The following NRG3 variants were observed in gnomAD, a reference collection of about 807,000 sequenced individuals.
NRG3 encodes pro-neuregulin-3, membrane-bound isoform.
In NRG3, 31 loss-of-function variants were observed where a neutral mutation model predicts 66.9. That is an observed-to-expected ratio of 0.46 (90% confidence interval 0.35 to 0.63). The LOEUF is 0.63. NRG3 is among the 20% of genes least tolerant of loss of function. The probability of loss-of-function intolerance (pLI) is 0.00; values close to 1 mark genes in which losing one functional copy is unlikely to be tolerated. For synonymous variants in NRG3, 393 were observed against 359.4 expected (o/e 1.09, Z -1.06); for missense variants, 910 against 878.9 (o/e 1.04, Z -0.45).
chr10:82,127,664 GT>G (rs1372247225), intron 1 of NRG3, among the ~76,000 whole-genome samples: 2 of 151,934 alleles, frequency 1.3e-5, no homozygotes, highest in Non-Finnish European at 2.9e-5. Context: ...CTTCTTCCCA[GT>G]TGGTGCCAGG....
At chr10:82,032,086 G>T (rs73314674) in intron 1 of NRG3, among the ~76,000 whole-genome samples, 2 of 150,868 alleles carry the variant, frequency 1.3e-5, no homozygotes, top group East Asian at 3.9e-4. Context: ...TGGTTATGGG[G>T]TATTTTGACT....
At chr10:82,238,871 CTA>C (rs939722659) in intron 1 of NRG3, among the ~76,000 whole-genome samples, 1 of 118,284 alleles carries the variant, frequency 8.5e-6, no homozygotes, top group African/African-American at 3.1e-5. Context: ...GCTAAAAGGC[CTA>C]TGTCACTTAT....
rs78934857 is a variant in NRG3, at chr10:82,378,634, G to A, written c.953+19766G>A. ...TGCCCAGGCTGGAGTGCGGTGGTGC[G>A]ATCTTGGCTCACTGCAACCTCCACC... On this transcript the variant is annotated intron_variant, in intron 2 of 8. Coordinates refer to ENST00000372141, the MANE Select transcript of NRG3 (RefSeq NM_001010848.4). 9.9e-5 allele frequency among the ~76,000 whole-genome samples: 15 copies of A among 151,540 alleles called. No individual in the cohort carries two copies. The East Asian group carries it at 2.0e-3, about 20-fold the overall frequency.
chr10:81,975,339 ATC>A (rs1274852938), intron 1 of NRG3, among the ~76,000 whole-genome samples: 1 of 151,542 alleles, frequency 6.6e-6, no homozygotes, highest in Non-Finnish European at 1.5e-5. Flanking sequence ...CTATCTATCT[ATC>A]TATCTATCTA....
intron 1 of NRG3, among the ~76,000 whole-genome samples, chr10:82,300,272 G>A (rs193206347): frequency 6.6e-6 from 1 of 152,214 alleles, no homozygotes; most frequent in African/African-American, 2.4e-5. Flanking sequence ...TATGTTTGAG[G>A]AGTATGGTGC....
At chr10:82,957,426 G>T (rs1425712986) in intron 5 of NRG3, among the ~76,000 whole-genome samples, 1 of 151,846 alleles carries the variant, frequency 6.6e-6, no homozygotes, top group Non-Finnish European at 1.5e-5. Flanking sequence ...TGTCAGAGAC[G>T]TTGGAAGACA....
chr10:82,191,030 GGTCACATGTCACCCCCA>G (rs1014692667), intron 1 of NRG3, among the ~76,000 whole-genome samples: 2 of 151,998 alleles, frequency 1.3e-5, no homozygotes, highest in Non-Finnish European at 2.9e-5. Context: ...TTCAGAACTG[GGTCACATGTCACCCCCA>G]GTCACTGCCA....
At chr10:82,974,457 C>T (rs558535002) in intron 7 of NRG3, among the ~76,000 whole-genome samples, 2 of 152,298 alleles carry the variant, frequency 1.3e-5, no homozygotes, top group South Asian at 4.1e-4. Flanking sequence ...TTATTTGACA[C>T]ATTTCATAGC....
At chr10:82,105,793 A>G (rs1230889316) in intron 1 of NRG3, among the ~76,000 whole-genome samples, 3 of 152,244 alleles carry the variant, frequency 2.0e-5, no homozygotes, top group South Asian at 2.1e-4. Flanking sequence ...GATAACAGGG[A>G]TAAAGGAATG....
chr10:82,861,600 C>T (rs2135923221), intron 3 of NRG3, among the ~76,000 whole-genome samples: 1 of 152,288 alleles, frequency 6.6e-6, no homozygotes, highest in South Asian at 2.1e-4. Flanking sequence ...CTCCATATCC[C>T]TTGTCACATC....
chr10:82,937,229 A>G (rs1253352648), intron 4 of NRG3, among the ~76,000 whole-genome samples: 1 of 152,322 alleles, frequency 6.6e-6, no homozygotes, highest in South Asian at 2.1e-4. Context: ...GTAGAAACCA[A>G]TTATATTTTA....
chr10:81,975,105 GA>G lies in NRG3; in HGVS notation c.823+98952del, dbSNP rs139211873. Among the ~76,000 whole-genome samples the G allele has an allele frequency of 1.1e-3, 159 of 144,592 alleles. 3 individuals are homozygous for G. The South Asian group carries it at 0.025, about 23-fold the overall frequency. 94.9% of individuals were successfully genotyped at this position (144,592 alleles called of 152,430 possible). ...CAATGAAGAACACTGGAAAGGCTTT[GA>G]AAAAAAAAAGAAAAACATAAAATAC... is the stretch of plus-strand genomic sequence containing the variant. On this transcript the variant is annotated intron_variant, in intron 1 of 8. Transcript: ENST00000372141.
chr10:82,167,507 C>T (rs1194962780), intron 1 of NRG3, among the ~76,000 whole-genome samples: 1 of 152,004 alleles, frequency 6.6e-6, no homozygotes, highest in East Asian at 1.9e-4. Flanking sequence ...ATAATAATTG[C>T]TGTGTTTACT....
At chr10:82,634,670 G>T (rs1309243199) in intron 2 of NRG3, among the ~76,000 whole-genome samples, 1 of 152,158 alleles carries the variant, frequency 6.6e-6, no homozygotes, top group Non-Finnish European at 1.5e-5. Context: ...TTTCCTGAAA[G>T]CAAAGTCAAC....
At chr10:82,057,994 A>T (rs1433301715) in intron 1 of NRG3, among the ~76,000 whole-genome samples, 29 of 150,152 alleles carry the variant, frequency 1.9e-4, no homozygotes, top group Admixed American at 1.8e-3. Context: ...TTTTCTTTGT[A>T]AAGCCTTCTA....
At chr10:82,062,661 A>G (rs901904894) in intron 1 of NRG3, among the ~76,000 whole-genome samples, 28 of 152,004 alleles carry the variant, frequency 1.8e-4, no homozygotes, top group Non-Finnish European at 3.8e-4. Context: ...CTCCCAGGCA[A>G]TGGGATGGAG....
At chr10:82,537,595 G>T (rs866037956) in intron 2 of NRG3, among the ~76,000 whole-genome samples, 8 of 152,118 alleles carry the variant, frequency 5.3e-5, no homozygotes, top group Non-Finnish European at 1.0e-4. Flanking sequence ...GTGAGCAAAA[G>T]ATATTTTAAA....
At chr10:82,655,761 T>A (rs539622309) in intron 2 of NRG3, among the ~76,000 whole-genome samples, 1 of 152,332 alleles carries the variant, frequency 6.6e-6, no homozygotes, top group South Asian at 2.1e-4. Context: ...AATTATCATG[T>A]GTCCATAAAA....
chr10:82,549,118 A>G lies in NRG3; in HGVS notation c.954-189459A>G, dbSNP rs1212105320. 3.3e-5 allele frequency among the ~76,000 whole-genome samples: 5 copies of G among 152,148 alleles called. No homozygotes were observed. In the East Asian group the frequency reaches 9.7e-4, roughly 30 times the overall value. ...TAGATGAGTACAACTTGTACAGTTA[A>G]CCTCCTCATCTGTAAACTGACTAAT... On this transcript the variant is annotated intron_variant, in intron 2 of 8. Coordinates refer to ENST00000372141, the MANE Select transcript of NRG3 (RefSeq NM_001010848.4).
Sources: gnomAD v4.1 joint callset for allele counts (sites outside exome capture counted in the v4.1 genomes callset) on GRCh38, gnomAD v4.1.1 for gene constraint, MANE v1.5 for transcripts, NCBI Gene and HGNC (gene_info 2026-07-23, HGNC 2026-07-21) for gene names.